The following ZNF674 variants were observed in gnomAD, a reference collection of about 807,000 sequenced individuals.
The protein encoded by ZNF674 is zinc finger protein 674, also known as zinc finger family member 674.
A neutral mutation model predicts 7.0 loss-of-function variants in ZNF674; 2 were observed. The ratio of observed to expected loss-of-function variants is 0.29; its 90% CI spans 0.12 to 0.90. The LOEUF is 0.90. Among genes scored for constraint, ZNF674 ranks in the 40% least tolerant of loss-of-function variants. ZNF674 has a pLI of 0.57. For missense variants in ZNF674, 297 were observed against 415.5 expected (o/e 0.71, Z 2.48); for synonymous variants, 103 against 145.2 (o/e 0.71, Z 2.09).
chrX:46,530,587 CA>C (rs1942092901), intron 3 of ZNF674, among the ~76,000 whole-genome samples: 1 of 111,816 alleles, frequency 8.9e-6, no homozygotes, highest in Non-Finnish European at 1.9e-5. Context: ...TTTGTTTAAC[CA>C]ATCCAGAGTC....
intron 5 of ZNF674, among the ~76,000 whole-genome samples, chrX:46,521,916 TAGAAA>T (rs780935598): frequency 2.8e-5 from 3 of 105,694 alleles, no homozygotes; most frequent in African/African-American, 6.9e-5. Context: ...TAGAATAGAA[TAGAAA>T]AGAAAAGAAA....
rs772011537 is a variant in ZNF674 at position 46,500,056 on chromosome X, A to C, written c.1518T>G (p.Thr506=). Residue 506 remains threonine (T), a synonymous_variant, in exon 6 of 6, where the codon ACT becomes ACG. Transcript: ENST00000683375. The part of the protein sequence containing the change: ...DCKKAFSRKS[T]LIKHQRIHTG... ...TATGAATTCTCTGATGTTTGATGAG[A>C]GTTGACTTCCTACTGAAGGCTTTTT... is the stretch of plus-strand genomic sequence containing the variant. 1.7e-6 allele frequency: 2 copies of C among 1,208,994 alleles called. No homozygotes were observed. The highest frequency in any genetic ancestry group is 2.2e-6 in the Non-Finnish European group (2 of 894,715).
intron 5 of ZNF674, among the ~76,000 whole-genome samples, chrX:46,502,425 C>T (rs182996219): frequency 6.7e-4 from 74 of 110,566 alleles, no homozygotes; most frequent in African/African-American, 2.2e-3. Context: ...ATAGAACAAT[C>T]TGTACTTTAA....
chrX:46,505,586 C>A (rs1275585973), intron 5 of ZNF674, among the ~76,000 whole-genome samples: 1 of 111,383 alleles, frequency 9.0e-6, no homozygotes, highest in Non-Finnish European at 1.9e-5. Context: ...GCCTGGCCAA[C>A]ATGGTGAAAC....
intron 3 of ZNF674, among the ~76,000 whole-genome samples, chrX:46,533,783 G>A (rs1251004370): frequency 1.2e-5 from 1 of 85,127 alleles, no homozygotes; most frequent in Non-Finnish European, 2.2e-5. Context: ...CAGTCCTCCA[G>A]CCTGGGTGAT....
chrX:46,529,230 T>C (rs1340919317), intron 3 of ZNF674: 1 of 306,180 alleles, frequency 3.3e-6, no homozygotes, highest in South Asian at 5.6e-5. Flanking sequence ...GCATATTACA[T>C]AGAGTATATG....
chrX:46,529,357 G>T, intron 3 of ZNF674: 1 of 143,656 alleles, frequency 7.0e-6, no homozygotes, highest in Non-Finnish European at 1.4e-5. Context: ...GGTAAGTCCT[G>T]TGACATAAAG....
intron 3 of ZNF674, 69 bp downstream of exon 3, chrX:46,542,004 T>C (rs938413115): frequency 2.7e-5 from 26 of 981,060 alleles, no homozygotes; most frequent in Admixed American, 9.2e-5. Flanking sequence ...TATTTTCAAG[T>C]TTATTATATA....
Position 46,501,144 on chromosome X carries a change from A to G in ZNF674, c.430T>C (p.Trp144Arg), listed in dbSNP as rs1364038952. 4 of 1,205,384 alleles carry G rather than the reference A, an allele frequency of 3.3e-6. No individual in the cohort carries two copies. Among genetic ancestry groups the G allele is most frequent in the East Asian group, 3.0e-5 (1 of 33,738 alleles). Residue 144 changes from tryptophan (W) to arginine (R), a missense_variant, in exon 6 of 6, where the codon TGG becomes CGG. Coordinates refer to ENST00000683375, the MANE Select transcript of ZNF674 (RefSeq NM_001190417.2). The part of the protein sequence containing the change: ...VKQRLPKYYS[W>R]ERCSKHHLNF... ...AAATGATGTTTTGAACACCTTTCCC[A>G]TGAATAATATTTAGGGAGTCTTTGT...
intron 5 of ZNF674, among the ~76,000 whole-genome samples, chrX:46,515,408 A>G (rs1941746229): frequency 9.1e-6 from 1 of 110,438 alleles, no homozygotes; most frequent in Admixed American, 9.7e-5. Flanking sequence ...ACAAATTATG[A>G]AAGCTCATTC....
At chrX:46,515,989 A>T (rs1361868382) in intron 5 of ZNF674, among the ~76,000 whole-genome samples, 1 of 111,864 alleles carries the variant, frequency 8.9e-6, no homozygotes, top group African/African-American at 3.2e-5. Flanking sequence ...CAGTACTTAG[A>T]GATAGTTATG....
intron 2 of ZNF674, among the ~76,000 whole-genome samples, chrX:46,542,887 C>T (rs1234237084): frequency 9.0e-6 from 1 of 111,730 alleles, no homozygotes; most frequent in Non-Finnish European, 1.9e-5. Context: ...AAAGCAACTG[C>T]AGTGTAATCT....
chrX:46,505,935 G>A lies in ZNF674; in HGVS notation c.239-4600C>T, dbSNP rs570651926. Reference sequence around the variant, plus strand: ...TCACAGCTACCCAAGGGGATGAACTGTTTTGGAGCTCTACCAAAAGCCCTA... The same window carrying A: ...TCACAGCTACCCAAGGGGATGAACTATTTTGGAGCTCTACCAAAAGCCCTA... On this transcript the variant is annotated intron_variant, in intron 5 of 5. Transcript: ENST00000683375. 4.4e-5 allele frequency among the ~76,000 whole-genome samples: 5 copies of A among 112,372 alleles called. No homozygotes were observed. In the South Asian group the frequency reaches 1.8e-3, roughly 41 times the overall value.
At chrX:46,520,570 C>T (rs1801854940) in intron 5 of ZNF674, among the ~76,000 whole-genome samples, 1 of 111,214 alleles carries the variant, frequency 9.0e-6, no homozygotes, top group Non-Finnish European at 1.9e-5. Flanking sequence ...ACATTACGAT[C>T]TCTTTGTATT....
chrX:46,500,243 G>A lies in ZNF674; in HGVS notation c.1331C>T (p.Ala444Val), dbSNP rs1569463998. 3 of 1,209,014 alleles carry A rather than the reference G, an allele frequency of 2.5e-6. No homozygotes were observed. Among genetic ancestry groups the A allele is most frequent in the East Asian group, 5.9e-5 (2 of 33,713 alleles). The change falls in exon 6 of 6, where the codon GCC (alanine) becomes GTC (valine). Residue 444 changes from alanine to valine, a missense_variant. By Grantham distance (64) the Ala-to-Val change is moderately conservative. Coordinates refer to ENST00000683375, the MANE Select transcript of ZNF674 (RefSeq NM_001190417.2). The part of the protein sequence containing the change: ...KPYECRRCGK[A>V]FGEKSTLIVH... ...AATAAGGGTTGACTTCTCCCCAAAG[G>A]CTTTCCCACATCTTCTGCATTCATA...
At chrX:46,519,266 A>AATAGAT (rs1488956816) in intron 5 of ZNF674, among the ~76,000 whole-genome samples, 2 of 70,731 alleles carry the variant, frequency 2.8e-5, no homozygotes, top group African/African-American at 6.2e-5. Context: ...AGATAGATAA[A>AATAGAT]GATAGATGAT....
chrX:46,509,905 A>G (rs1166561238), intron 5 of ZNF674, among the ~76,000 whole-genome samples: 8 of 110,791 alleles, frequency 7.2e-5, no homozygotes, highest in African/African-American at 2.6e-4. Flanking sequence ...TCCAACAACG[A>G]TAGACTGGAT....
chrX:46,499,228 T>G lies in ZNF674; in HGVS notation c.*615A>C, dbSNP rs940577790. 2 of 111,986 alleles carry G rather than the reference T, an allele frequency of 1.8e-5. No homozygotes were observed. Among genetic ancestry groups the G allele is most frequent in the African/African-American group, 6.5e-5 (2 of 30,782 alleles). The allele number at this position is 111,986 out of a possible 1,213,427, so 9.2% of individuals were successfully genotyped here. A position where few individuals can be genotyped will look rare whatever the true frequency, so the allele number is the denominator to read the frequency against. ...CCCAGGCTGGAGTGCAGTGGCACGA[T>G]CTCAGTTCACTGCAACCTCTGCCTC... On this transcript the variant is annotated 3_prime_UTR_variant, in exon 6 of 6. Transcript: ENST00000683375.
At chrX:46,536,532 G>A (rs1942201150) in intron 3 of ZNF674, among the ~76,000 whole-genome samples, 1 of 106,428 alleles carries the variant, frequency 9.4e-6, no homozygotes, top group East Asian at 3.0e-4. Context: ...AGAGGTTGCA[G>A]TGAGCTGAGA....
Sources: allele counts gnomAD v4.1 joint callset (sites outside exome capture counted in the v4.1 genomes callset), GRCh38; gene constraint gnomAD v4.1.1; transcripts MANE v1.5; gene names NCBI Gene and HGNC (gene_info 2026-07-23, HGNC 2026-07-21).